The following CSMD1 variants were observed in gnomAD, a reference collection of about 807,000 sequenced individuals.
CSMD1 encodes CUB and sushi domain-containing protein 1.
In CSMD1, 213 loss-of-function variants were observed where a neutral mutation model predicts 417.5. The ratio of observed to expected loss-of-function variants is 0.51; its 90% CI spans 0.46 to 0.57. CSMD1 has a LOEUF of 0.57. Among genes scored for constraint, CSMD1 ranks in the 20% least tolerant of loss-of-function variants. The probability of loss-of-function intolerance (pLI) is 0.00; values close to 1 mark genes in which losing one functional copy is unlikely to be tolerated. For missense variants in CSMD1, 6,923 were observed against 4,529.7 expected (o/e 1.53, Z -15.17); for synonymous variants, 2,862 against 1,736.8 (o/e 1.65, Z -16.11).
intron 1 of CSMD1, among the ~76,000 whole-genome samples, chr8:4,854,474 G>C (rs1043716636): frequency 1.3e-5 from 2 of 152,184 alleles, no homozygotes; most frequent in Admixed American, 1.3e-4. Flanking sequence ...CAGAAGACGG[G>C]TGATTTCTGT....
rs923273868 is a variant in CSMD1 at position 4,737,071 on chromosome 8, C to T, written c.86-99513G>A. Among the ~76,000 whole-genome samples the T allele has an allele frequency of 2.1e-3, 325 of 152,208 alleles. 5 individuals are homozygous for T. The highest frequency in any genetic ancestry group is 4.3e-4 in the Non-Finnish European group (29 of 68,022). On this transcript the variant is annotated intron_variant, in intron 1 of 69. Coordinates refer to ENST00000635120, the MANE Select transcript of CSMD1 (RefSeq NM_033225.6). Reference sequence around the variant, plus strand: ...GCAGCATGATTCACAAAAGAAAAGACATGTAATCAACCTACATGCCCATCA... The same window carrying T: ...GCAGCATGATTCACAAAAGAAAAGATATGTAATCAACCTACATGCCCATCA...
rs559789967 is a variant in CSMD1 at position 3,293,525 on chromosome 8, C to G, written c.3951-9179G>C. The stretch of plus-strand genomic sequence containing the variant: ...TATTTCTTGGAGGCTTTGTTTGTTT[C>G]TTTTTATTCTTTTTTTCTCTAAACT... On this transcript the variant is annotated intron_variant, in intron 25 of 69. Coordinates refer to ENST00000635120, the MANE Select transcript of CSMD1 (RefSeq NM_033225.6). Among the ~76,000 whole-genome samples, 8 of 152,182 alleles carry G rather than the reference C, an allele frequency of 5.3e-5. No individual in the cohort carries two copies. In the South Asian group the frequency reaches 1.0e-3, roughly 20 times the overall value.
At chr8:4,905,986 C>T (rs529584804) in intron 1 of CSMD1, among the ~76,000 whole-genome samples, 1 of 152,228 alleles carries the variant, frequency 6.6e-6, no homozygotes, top group Non-Finnish European at 1.5e-5. Flanking sequence ...CTTTCGGCAA[C>T]ACCACTTTTG....
chr8:4,060,062 G>A (rs982915447), intron 3 of CSMD1, among the ~76,000 whole-genome samples: 11 of 152,108 alleles, frequency 7.2e-5, no homozygotes, highest in African/African-American at 1.4e-4. Flanking sequence ...CTGGCAAACC[G>A]AATCCAGCAG....
In CSMD1 at chr8:4,023,753, A is replaced by AT. The variant is rs760333220; in HGVS notation, c.610+8151dup. Among the ~76,000 whole-genome samples, 327 of 50,126 alleles carry AT rather than the reference A, an allele frequency of 6.5e-3. 4 individuals carry two copies. Among genetic ancestry groups the AT allele is most frequent in the Non-Finnish European group, 9.2e-3 (265 of 28,932 alleles). The allele number at this position is 50,126 out of a possible 152,430, so 32.9% of individuals were successfully genotyped here. On this transcript the variant is annotated intron_variant, in intron 4 of 69. Coordinates refer to ENST00000635120, the MANE Select transcript of CSMD1 (RefSeq NM_033225.6). ...AAGCGCCCACCGCTACGCTCGGCTA[A>AT]TTTTTTTTTTTTTTTTTTTTTTTTT...
At chr8:3,657,799 C>A (rs1798206159) in intron 7 of CSMD1, among the ~76,000 whole-genome samples, 1 of 152,084 alleles carries the variant, frequency 6.6e-6, no homozygotes. Context: ...AACTATGTAA[C>A]AAACATGCAC....
intron 3 of CSMD1, among the ~76,000 whole-genome samples, chr8:4,170,718 G>A (rs757120894): frequency 2.0e-5 from 3 of 151,486 alleles, no homozygotes; most frequent in Admixed American, 2.0e-4. Flanking sequence ...GCTAGCATGT[G>A]GATTTTTTTT....
At chr8:4,937,804 A>C in intron 1 of CSMD1, among the ~76,000 whole-genome samples, 1 of 152,124 alleles carries the variant, frequency 6.6e-6, no homozygotes, top group East Asian at 1.9e-4. Flanking sequence ...ACACACACAC[A>C]CAACTACAAA....
intron 8 of CSMD1, among the ~76,000 whole-genome samples, chr8:3,614,751 T>A (rs980193624): frequency 1.3e-5 from 2 of 152,176 alleles, no homozygotes; most frequent in African/African-American, 4.8e-5. Flanking sequence ...CACACATAGA[T>A]GAGTTTCTTT....
At chr8:4,009,213 G>C (rs1362037157) in intron 4 of CSMD1, among the ~76,000 whole-genome samples, 1 of 152,156 alleles carries the variant, frequency 6.6e-6, no homozygotes, top group African/African-American at 2.4e-5. Flanking sequence ...CTAAATGTAA[G>C]TGCAAATCAG....
intron 3 of CSMD1, among the ~76,000 whole-genome samples, chr8:4,229,099 G>A (rs961335064): frequency 6.6e-6 from 1 of 152,198 alleles, no homozygotes; most frequent in African/African-American, 2.4e-5. Flanking sequence ...ACTCCCAAGT[G>A]TGCTTTTCCA....
intron 54 of CSMD1, among the ~76,000 whole-genome samples, chr8:2,987,127 T>C (rs1805986747): frequency 6.6e-6 from 1 of 152,112 alleles, no homozygotes. Flanking sequence ...TTTTCTATCA[T>C]ATTTTACTGA....
intron 5 of CSMD1, among the ~76,000 whole-genome samples, chr8:3,977,381 G>A (rs1280871146): frequency 6.6e-6 from 1 of 152,088 alleles, no homozygotes; most frequent in East Asian, 1.9e-4. Context: ...ACATTTTGCT[G>A]AAAAGAGAAA....
chr8:4,775,724 G>A (rs988785231), intron 1 of CSMD1, among the ~76,000 whole-genome samples: 1 of 152,176 alleles, frequency 6.6e-6, no homozygotes, highest in Non-Finnish European at 1.5e-5. Flanking sequence ...GTGGGGATGG[G>A]ATATCTCCAG....
chr8:3,509,359 A>G (rs1376225880), intron 10 of CSMD1, among the ~76,000 whole-genome samples: 1 of 152,232 alleles, frequency 6.6e-6, no homozygotes, highest in Non-Finnish European at 1.5e-5. Context: ...AGCCAAGTCA[A>G]CTTTGTCATA....
intron 12 of CSMD1, among the ~76,000 whole-genome samples, chr8:3,411,125 G>C (rs1362543673): frequency 6.6e-6 from 1 of 152,152 alleles, no homozygotes; most frequent in African/African-American, 2.4e-5. Flanking sequence ...CAGAGCTTTG[G>C]AGGAGACCTG....
intron 10 of CSMD1, among the ~76,000 whole-genome samples, chr8:3,496,105 G>C (rs1176532539): frequency 2.0e-5 from 3 of 152,130 alleles, no homozygotes; most frequent in Non-Finnish European, 2.9e-5. Context: ...TCCTCTCCCT[G>C]TGTTCATGTG....
chr8:3,706,625 C>A (rs17067077), intron 7 of CSMD1, among the ~76,000 whole-genome samples: 148,549 of 152,290 alleles, frequency 0.98, 72,545 homozygotes, highest in East Asian at 1. Flanking sequence ...AGCTCTGCCT[C>A]AATCTTACAG....
chr8:3,613,322 A>T (rs774482845), intron 8 of CSMD1: 1 of 421,076 alleles, frequency 2.4e-6, no homozygotes, highest in South Asian at 1.7e-5. Context: ...CTGGTGAATT[A>T]TTCCAAACAT....
Sources: allele counts gnomAD v4.1 joint callset (sites outside exome capture counted in the v4.1 genomes callset), GRCh38; gene constraint gnomAD v4.1.1; transcripts MANE v1.5; gene names NCBI Gene and HGNC (gene_info 2026-07-23, HGNC 2026-07-21).